Variants in TJP1 observed in about 807,000 individuals in gnomAD.
TJP1 encodes the protein tight junction protein ZO-1.
In TJP1, 43 loss-of-function variants were observed where a neutral mutation model predicts 194.2. The ratio of observed to expected loss-of-function variants is 0.22; its 90% confidence interval spans 0.17 to 0.29. The LOEUF (loss-of-function observed/expected upper bound fraction) is 0.29, where lower values mean the gene tolerates loss of function less well. Ranked by LOEUF, TJP1 falls within the 10% of genes least tolerant of loss-of-function variation. The probability of loss-of-function intolerance (pLI) is 1.00; values close to 1 mark genes in which losing one functional copy is unlikely to be tolerated. For synonymous variants in TJP1, 801 were observed against 779.0 expected, an observed-to-expected ratio of 1.03 and a Z score of -0.47; for missense variants, 1,971 against 2,185.7, an observed-to-expected ratio of 0.90 and a Z score of 1.96.
At chr15:29,949,325 A>G (rs1386411339) in intron 2 of TJP1, among the ~76,000 whole-genome samples, 54 of 100,150 alleles carry the variant, frequency 5.4e-4, no homozygotes, top group African/African-American at 2.2e-3. Flanking sequence ...TTTCACCACC[A>G]CTACCTCCAC....
chr15:29,869,727 C>T (rs2052429442), intron 2 of TJP1, among the ~76,000 whole-genome samples: 1 of 151,754 alleles, frequency 6.6e-6, no homozygotes, highest in Non-Finnish European at 1.5e-5. Flanking sequence ...GGGTCTGTGC[C>T]TCCTCACTAG....
chr15:29,766,682 A>G, intron 4 of TJP1, 140 bp from the exon 5 acceptor site: 1 of 760,654 alleles, frequency 1.3e-6, no homozygotes, highest in Non-Finnish European at 1.9e-6. Flanking sequence ...AACTACAACA[A>G]ATTTCTAAGG....
At chr15:29,753,109 A>G (rs1327805446) in intron 8 of TJP1, among the ~76,000 whole-genome samples, 13 of 152,144 alleles carry the variant, frequency 8.5e-5, no homozygotes, top group Admixed American at 6.6e-4. Context: ...ACGAAAATTT[A>G]CTTTTTGTAT....
At chr15:29,793,428 C>G (rs1419776046) in intron 2 of TJP1, among the ~76,000 whole-genome samples, 1 of 152,044 alleles carries the variant, frequency 6.6e-6, no homozygotes, top group Non-Finnish European at 1.5e-5. Context: ...TTAGGTGGTT[C>G]TCACATTGCT....
chr15:29,886,096 C>A (rs116298011), intron 2 of TJP1, among the ~76,000 whole-genome samples: 300 of 152,356 alleles, frequency 2.0e-3, no homozygotes, highest in African/African-American at 6.9e-3. Context: ...TTTGAGCCAA[C>A]AGAACCAAAC....
At chr15:29,715,204 T>C (rs2042489147) in intron 23 of TJP1, among the ~76,000 whole-genome samples, 1 of 152,150 alleles carries the variant, frequency 6.6e-6, no homozygotes, top group South Asian at 2.1e-4. Context: ...TGGGTTTATA[T>C]TGTGCTAGCT....
At chr15:29,924,616 T>C (rs1310326454) in intron 2 of TJP1, among the ~76,000 whole-genome samples, 1 of 152,224 alleles carries the variant, frequency 6.6e-6, no homozygotes, top group Non-Finnish European at 1.5e-5. Context: ...GAGCACCTAC[T>C]GCCTTCTCTG....
intron 2 of TJP1, among the ~76,000 whole-genome samples, chr15:29,911,928 C>A (rs867024): frequency 0.21 from 31,793 of 152,036 alleles, 3,596 homozygotes; most frequent in African/African-American, 0.3. Flanking sequence ...GATTTGGATT[C>A]TTGGGGAGTT....
At chr15:29,711,265 G>A (rs1432319409) in intron 23 of TJP1, among the ~76,000 whole-genome samples, 1 of 152,138 alleles carries the variant, frequency 6.6e-6, no homozygotes, top group African/African-American at 2.4e-5. Context: ...GAAATTTTGG[G>A]TATAGTTTAA....
At chr15:29,936,900 C>T (rs1469293438) in intron 2 of TJP1, among the ~76,000 whole-genome samples, 2 of 152,126 alleles carry the variant, frequency 1.3e-5, no homozygotes, top group Admixed American at 6.5e-5. Flanking sequence ...CAGCTCGGCG[C>T]GTTTACCCTG....
chr15:29,713,468 C>T (rs925976322), intron 23 of TJP1, among the ~76,000 whole-genome samples: 1 of 152,192 alleles, frequency 6.6e-6, no homozygotes, highest in Admixed American at 6.5e-5. Flanking sequence ...TTTTCCATAT[C>T]TAATTCTCAC....
intron 2 of TJP1, among the ~76,000 whole-genome samples, chr15:29,861,028 T>C (rs2035152732): frequency 6.6e-6 from 1 of 152,244 alleles, no homozygotes; most frequent in Admixed American, 6.5e-5. Context: ...ACACAACATT[T>C]GTTTTATCAT....
intron 2 of TJP1, among the ~76,000 whole-genome samples, chr15:29,922,826 T>A (rs960894182): frequency 3.3e-5 from 5 of 152,186 alleles, no homozygotes; most frequent in African/African-American, 1.2e-4. Flanking sequence ...ATTGTTAAAA[T>A]TTTAATTAAA....
At chr15:29,949,442 TCC>T (rs2055470751) in intron 2 of TJP1, among the ~76,000 whole-genome samples, 1 of 102,946 alleles carries the variant, frequency 9.7e-6, no homozygotes. Flanking sequence ...CACCTCCACC[TCC>T]ACCTTCACCA....
intron 16 of TJP1, among the ~76,000 whole-genome samples, chr15:29,727,226 C>A (rs2043297241): frequency 6.6e-6 from 1 of 152,108 alleles, no homozygotes; most frequent in South Asian, 2.1e-4. Context: ...CGCCTGTAAT[C>A]CCAGCTACTT....
At chr15:29,772,233 T>A in intron 3 of TJP1, 67 bp from the exon 4 acceptor site, 1 of 924,164 alleles carries the variant, frequency 1.1e-6, no homozygotes, top group South Asian at 1.6e-5. Context: ...TGATGATATT[T>A]CCAAGATAGG....
chr15:29,849,061 A>G (rs1282360244), intron 2 of TJP1, among the ~76,000 whole-genome samples: 2 of 152,160 alleles, frequency 1.3e-5, no homozygotes, highest in Non-Finnish European at 2.9e-5. Context: ...TCTTATAAAC[A>G]AGAGAAAAAA....
At chr15:29,960,974 T>C (rs1044709427) in intron 1 of TJP1, among the ~76,000 whole-genome samples, 1 of 152,212 alleles carries the variant, frequency 6.6e-6, no homozygotes, top group Non-Finnish European at 1.5e-5. Context: ...TTTTAGATGT[T>C]GCTTCTCTTT....
intron 8 of TJP1, among the ~76,000 whole-genome samples, chr15:29,743,824 A>C (rs1483281082): frequency 6.6e-6 from 1 of 152,222 alleles, no homozygotes; most frequent in Non-Finnish European, 1.5e-5. Context: ...ATGTACAAAT[A>C]CGTAATAAAT....
Sources: allele counts gnomAD v4.1 joint callset (sites outside exome capture counted in the v4.1 genomes callset), GRCh38; gene constraint gnomAD v4.1.1; transcripts MANE v1.5; gene names NCBI Gene and HGNC (gene_info 2026-07-23, HGNC 2026-07-21).